SLC25A48: variants seen among roughly 807,000 people sequenced by gnomAD.
SLC25A48 encodes CTC-321K16.1.
Under a neutral mutation model 32.2 loss-of-function variants are expected in SLC25A48, and 29 were observed. The ratio of observed to expected loss-of-function variants is 0.90; its 90% CI spans 0.67 to 1.23. SLC25A48 has a LOEUF of 1.23. Among genes scored for constraint, SLC25A48 ranks in the 50% most tolerant of loss-of-function variants. SLC25A48 has a pLI of 0.00. For missense variants in SLC25A48, 399 were observed against 422.7 expected, an observed-to-expected ratio of 0.94 and a Z score of 0.49; for synonymous variants, 164 against 172.3, an observed-to-expected ratio of 0.95 and a Z score of 0.38.
intron 5 of SLC25A48, among the ~76,000 whole-genome samples, chr5:135,873,003 G>C (rs1361861826): frequency 1.3e-5 from 2 of 152,220 alleles, no homozygotes; most frequent in Non-Finnish European, 2.9e-5. Context: ...TTTGCAGAGA[G>C]CAGGTGTGAA....
chr5:135,631,414 G>T (rs772282777), intron 2 of SLC25A48, among the ~76,000 whole-genome samples: 4 of 152,214 alleles, frequency 2.6e-5, no homozygotes, highest in Admixed American at 2.6e-4. Flanking sequence ...CATGGCTTGT[G>T]CCTTTGGGAT....
At chr5:135,713,259 A>G (rs548616422) in intron 3 of SLC25A48, among the ~76,000 whole-genome samples, 2 of 152,264 alleles carry the variant, frequency 1.3e-5, no homozygotes, top group East Asian at 3.9e-4. Context: ...CCTAATATAT[A>G]TTTTGCTCTT....
At chr5:135,721,758 A>G (rs1165582440) in intron 3 of SLC25A48, among the ~76,000 whole-genome samples, 1 of 152,228 alleles carries the variant, frequency 6.6e-6, no homozygotes, top group African/African-American at 2.4e-5. Context: ...GGAAGAGGGC[A>G]GCAGAGAACT....
At chr5:135,691,255 C>T (rs1754137043) in intron 3 of SLC25A48, among the ~76,000 whole-genome samples, 2 of 152,172 alleles carry the variant, frequency 1.3e-5, no homozygotes, top group African/African-American at 4.8e-5. Context: ...AAATTTTACT[C>T]ACAGATAGAC....
At chr5:135,812,401 T>A (rs1263960716) in intron 3 of SLC25A48, 1 of 152,250 alleles carries the variant, frequency 6.6e-6, no homozygotes, top group Non-Finnish European at 1.5e-5. Flanking sequence ...AAGGTTTTTT[T>A]AAGTGAATTA....
chr5:135,652,173 A>G (rs1753131639), intron 3 of SLC25A48, among the ~76,000 whole-genome samples: 1 of 152,202 alleles, frequency 6.6e-6, no homozygotes. Context: ...CTAATACTAT[A>G]GCTGCGTGCC....
In SLC25A48 at chr5:135,820,087, G is replaced by A. The variant is rs534302725; in HGVS notation, c.-117+7161G>A. 3.9e-5 allele frequency among the ~76,000 whole-genome samples: 6 copies of A among 152,166 alleles called. No individual in the cohort carries two copies. In the South Asian group the frequency reaches 8.3e-4, roughly 21 times the overall value. ...TCAAATCCTAGCTATTTACCTAAGAGAATGAAAACTATACCCACTCAAAGA... is the reference window on the plus strand; with the variant it reads ...TCAAATCCTAGCTATTTACCTAAGAAAATGAAAACTATACCCACTCAAAGA... On this transcript the variant is annotated intron_variant, in intron 4 of 10. Coordinates refer to the SLC25A48 transcript ENST00000646290.
intron 7 of SLC25A48, among the ~76,000 whole-genome samples, chr5:135,883,881 G>A (rs528406674): frequency 2.6e-5 from 4 of 152,280 alleles, no homozygotes; most frequent in East Asian, 1.9e-4. Flanking sequence ...TACTAGAGCC[G>A]CGTGGGGAGG....
intron 2 of SLC25A48, among the ~76,000 whole-genome samples, chr5:135,848,114 G>A (rs1459644196): frequency 6.6e-6 from 1 of 152,182 alleles, no homozygotes; most frequent in Non-Finnish European, 1.5e-5. Context: ...CAGCCTACCC[G>A]AGTGCTCAGC....
intron 1 of SLC25A48, among the ~76,000 whole-genome samples, chr5:135,604,451 C>T (rs917298635): frequency 9.2e-5 from 14 of 152,122 alleles, no homozygotes; most frequent in African/African-American, 3.1e-4. Flanking sequence ...AGTGGAGAAC[C>T]GGCCAGTCCT....
intron 3 of SLC25A48, among the ~76,000 whole-genome samples, chr5:135,700,608 G>T (rs1177890539): frequency 6.6e-6 from 1 of 152,078 alleles, no homozygotes; most frequent in East Asian, 1.9e-4. Context: ...GTTCCTCCCT[G>T]GCTGTCTCCA....
In SLC25A48 at chr5:135,643,057, C is replaced by T. The variant is rs11949579; in HGVS notation, c.-521+8101C>T. ...CACAGGAAGGGAAGTGGGCAGAGAA[C>T]AGTCAGCAGTCTGGGGTGCGCTGAA... On this transcript the variant is annotated intron_variant, in intron 3 of 10. Transcript: ENST00000646290. Among the ~76,000 whole-genome samples the T allele has an allele frequency of 8.7e-3, 1,330 of 152,348 alleles. 13 individuals are homozygous for T. The highest frequency in any genetic ancestry group is 0.013 in the Non-Finnish European group (865 of 68,038).
At chr5:135,704,496 T>G (rs1754465130) in intron 3 of SLC25A48, among the ~76,000 whole-genome samples, 1 of 152,244 alleles carries the variant, frequency 6.6e-6, no homozygotes, top group South Asian at 2.1e-4. Context: ...ACTTGAGATT[T>G]CTGACTTCCA....
intron 3 of SLC25A48, among the ~76,000 whole-genome samples, chr5:135,800,710 A>AT (rs1206366818): frequency 6.6e-6 from 1 of 151,814 alleles, no homozygotes; most frequent in Non-Finnish European, 1.5e-5. Context: ...GGTTTGTAAT[A>AT]TTTAGGAGGG....
rs116783200 is a variant in SLC25A48 at position 135,656,812 on chromosome 5, C to T, written c.-521+21856C>T. ...CAAGGAACGCCTGGGACTGCCACTG[C>T]CAGCAAAACACTGGAAGCTGGGAGG... On this transcript the variant is annotated intron_variant, in intron 3 of 10. Transcript: ENST00000646290. Among the ~76,000 whole-genome samples, 1,444 of 152,196 alleles carry T rather than the reference C, an allele frequency of 9.5e-3. 27 individuals are homozygous for T. The highest frequency in any genetic ancestry group is 0.033 in the African/African-American group (1,358 of 41,524).
At chr5:135,762,906 GTGTT>G (rs772999452) in intron 3 of SLC25A48, among the ~76,000 whole-genome samples, 39 of 152,260 alleles carry the variant, frequency 2.6e-4, no homozygotes, top group South Asian at 4.2e-4. Context: ...GTGTGAATGT[GTGTT>G]TGTGTGGCTG....
At chr5:135,826,504 GAAC>G (rs1247135237) in intron 4 of SLC25A48, 1 of 152,304 alleles carries the variant, frequency 6.6e-6, no homozygotes, top group Non-Finnish European at 1.5e-5. Context: ...GGAGCCACCT[GAAC>G]AACTGAAGGG....
upstream of SLC25A48, among the ~76,000 whole-genome samples, chr5:135,833,019 T>C (rs1293688588): frequency 6.6e-6 from 1 of 152,234 alleles, no homozygotes; most frequent in Non-Finnish European, 1.5e-5. Context: ...AGGGATGGCC[T>C]GGATCCTGGC....
chr5:135,728,130 C>T (rs1161916115), intron 3 of SLC25A48, among the ~76,000 whole-genome samples: 1 of 151,916 alleles, frequency 6.6e-6, no homozygotes, highest in Non-Finnish European at 1.5e-5. Context: ...GTGGTGGGCG[C>T]CTGTAGTCCT....
Sources: allele counts gnomAD v4.1 joint callset (sites outside exome capture counted in the v4.1 genomes callset), GRCh38; gene constraint gnomAD v4.1.1; transcripts MANE v1.5; gene names NCBI Gene and HGNC (gene_info 2026-07-23, HGNC 2026-07-21).